The following NMNAT2 variants were observed in gnomAD, a reference collection of about 807,000 sequenced individuals.
NMNAT2 encodes nicotinamide/nicotinic acid mononucleotide adenylyltransferase 2.
Under a neutral mutation model 41.6 loss-of-function variants are expected in NMNAT2, and 11 were observed. The ratio of observed to expected loss-of-function variants is 0.26; its 90% CI spans 0.17 to 0.44. The LOEUF (loss-of-function observed/expected upper bound fraction) is 0.44. NMNAT2 is among the 20% of genes least tolerant of loss of function. NMNAT2 has a pLI of 1.00. For synonymous variants in NMNAT2, 148 were observed against 151.2 expected (o/e 0.98, Z 0.16); for missense variants, 288 against 407.7 (o/e 0.71, Z 2.53).
intron 1 of NMNAT2, among the ~76,000 whole-genome samples, chr1:183,315,508 A>G (rs1312698265): frequency 1.3e-5 from 2 of 152,120 alleles, no homozygotes; most frequent in Non-Finnish European, 2.9e-5. Flanking sequence ...TAAAGACATC[A>G]TATCCAAACT....
chr1:183,396,259 G>C (rs1313107470), intron 1 of NMNAT2, among the ~76,000 whole-genome samples: 1 of 152,152 alleles, frequency 6.6e-6, no homozygotes, highest in Non-Finnish European at 1.5e-5. Context: ...GGGCAGGAGA[G>C]GTCTCCCCTG....
intron 1 of NMNAT2, among the ~76,000 whole-genome samples, chr1:183,399,525 A>G (rs879139421): frequency 6.6e-6 from 1 of 152,192 alleles, no homozygotes; most frequent in Non-Finnish European, 1.5e-5. Context: ...TTTTCCAATC[A>G]ATAGAAAAAG....
chr1:183,281,954 G>A (rs1661282426), intron 7 of NMNAT2, among the ~76,000 whole-genome samples: 1 of 152,242 alleles, frequency 6.6e-6, no homozygotes, highest in Non-Finnish European at 1.5e-5. Flanking sequence ...CGCTGATCCA[G>A]GGCCACGAGC....
intron 1 of NMNAT2, among the ~76,000 whole-genome samples, chr1:183,362,946 A>C (rs1663335591): frequency 6.6e-6 from 1 of 152,138 alleles, no homozygotes; most frequent in African/African-American, 2.4e-5. Flanking sequence ...CTACATCCTC[A>C]TCAACACTTG....
Position 183,268,859 on chromosome 1 carries a change from T to G in NMNAT2, c.652-7556A>C, listed in dbSNP as rs1174155668. ...GAGTTCCAGACCAGCCTGGGCAACA[T>G]GGTGGTAAGACCTCATCTCTACAAA... On this transcript the variant is annotated intron_variant, in intron 8 of 10. Transcript: ENST00000287713. Among the ~76,000 whole-genome samples the G allele has an allele frequency of 2.0e-5, 3 of 152,200 alleles. No homozygotes were observed. In the East Asian group the frequency reaches 5.8e-4, roughly 29 times the overall value.
chr1:183,416,540 A>G (rs1649256271), intron 1 of NMNAT2, among the ~76,000 whole-genome samples: 1 of 152,232 alleles, frequency 6.6e-6, no homozygotes, highest in African/African-American at 2.4e-5. Context: ...GACTGATGAC[A>G]TGCTCTTGTC....
chr1:183,323,870 G>A (rs912590068), intron 1 of NMNAT2, among the ~76,000 whole-genome samples: 2 of 152,232 alleles, frequency 1.3e-5, no homozygotes, highest in South Asian at 4.1e-4. Context: ...GGCCTAAGAG[G>A]CTAAGAGAGA....
At chr1:183,359,883 A>G (rs1295889526) in intron 1 of NMNAT2, among the ~76,000 whole-genome samples, 1 of 152,182 alleles carries the variant, frequency 6.6e-6, no homozygotes, top group East Asian at 1.9e-4. Context: ...CTGCAAGATA[A>G]TGATAGATTT....
At chr1:183,407,744 A>G (rs994786524) in intron 1 of NMNAT2, among the ~76,000 whole-genome samples, 1 of 152,194 alleles carries the variant, frequency 6.6e-6, no homozygotes, top group Non-Finnish European at 1.5e-5. Context: ...CTGCAGAAAA[A>G]CTAGATATGA....
At chr1:183,276,940 C>T (rs547966581) in intron 8 of NMNAT2, among the ~76,000 whole-genome samples, 4 of 152,302 alleles carry the variant, frequency 2.6e-5, no homozygotes, top group South Asian at 4.1e-4. Flanking sequence ...CCTTACTTCC[C>T]GGAAACTTTC....
chr1:183,381,342 C>T (rs573243296), intron 1 of NMNAT2, among the ~76,000 whole-genome samples: 1 of 152,144 alleles, frequency 6.6e-6, no homozygotes, highest in African/African-American at 2.4e-5. Context: ...CAGTCAGTCC[C>T]TGTAACCAGA....
chr1:183,291,538 G>T (rs534957605), intron 3 of NMNAT2, among the ~76,000 whole-genome samples: 4 of 152,278 alleles, frequency 2.6e-5, no homozygotes, highest in African/African-American at 9.6e-5. Context: ...TCAGGATTCT[G>T]ATTTTCCAAC....
intron 1 of NMNAT2, among the ~76,000 whole-genome samples, chr1:183,315,848 G>A (rs1306091908): frequency 6.7e-6 from 1 of 149,958 alleles, no homozygotes; most frequent in East Asian, 1.9e-4. Flanking sequence ...AAACCACCAT[G>A]GCACGTGTAT....
chr1:183,416,209 A>G (rs1222861219), intron 1 of NMNAT2, among the ~76,000 whole-genome samples: 1 of 152,210 alleles, frequency 6.6e-6, no homozygotes, highest in East Asian at 1.9e-4. Context: ...TTGGTTCTCA[A>G]TCCAAATCTG....
intron 1 of NMNAT2, among the ~76,000 whole-genome samples, chr1:183,372,460 AGT>A (rs1663571334): frequency 6.6e-6 from 1 of 152,132 alleles, no homozygotes; most frequent in Non-Finnish European, 1.5e-5. Context: ...AGCCAGGAAG[AGT>A]GAGACATAAC....
intron 1 of NMNAT2, among the ~76,000 whole-genome samples, chr1:183,384,942 A>C (rs1474956044): frequency 1.3e-5 from 2 of 152,136 alleles, no homozygotes; most frequent in South Asian, 2.1e-4. Flanking sequence ...CTGTAGTCCC[A>C]GTGTTTTGGG....
chr1:183,318,779 G>T (rs551642132), intron 1 of NMNAT2, among the ~76,000 whole-genome samples: 1 of 152,292 alleles, frequency 6.6e-6, no homozygotes, highest in South Asian at 2.1e-4. Flanking sequence ...CCTAAAATCC[G>T]ATACAGGAGC....
In NMNAT2 at chr1:183,387,453, G is replaced by A. The variant is rs375287115; in HGVS notation, c.85+30730C>T. ...ACAGCCACACATCTACTTTATAGCA[G>A]AGAACAAATCTGGATCCTTAAAAAT... On this transcript the variant is annotated intron_variant, in intron 1 of 10. Transcript: ENST00000287713. 7.9e-5 allele frequency among the ~76,000 whole-genome samples: 12 copies of A among 152,300 alleles called. No individual in the cohort carries two copies. The South Asian group carries it at 2.5e-3, about 32-fold the overall frequency.
At chr1:183,256,881 A>C (rs975732295) in intron 10 of NMNAT2, among the ~76,000 whole-genome samples, 3 of 151,986 alleles carry the variant, frequency 2.0e-5, no homozygotes, top group Non-Finnish European at 4.4e-5. Flanking sequence ...CCTCCCAAGT[A>C]GCTGGGATTA....
Sources: allele counts gnomAD v4.1 joint callset (sites outside exome capture counted in the v4.1 genomes callset), GRCh38; gene constraint gnomAD v4.1.1; transcripts MANE v1.5; gene names NCBI Gene and HGNC (gene_info 2026-07-23, HGNC 2026-07-21).